LMNTD1: variants seen among roughly 807,000 people sequenced by gnomAD.
The protein encoded by LMNTD1 is lamin tail domain-containing protein 1.
Under a neutral mutation model 50.9 loss-of-function variants are expected in LMNTD1, and 35 were observed. The ratio of observed to expected loss-of-function variants is 0.69; its 90% CI spans 0.53 to 0.91. LMNTD1 has a LOEUF of 0.91. Among genes scored for constraint, LMNTD1 ranks in the 40% least tolerant of loss-of-function variants. The pLI is 0.00. For missense variants in LMNTD1, 470 were observed against 475.5 expected, an observed-to-expected ratio of 0.99 and a Z score of 0.11; for synonymous variants, 153 against 161.9, an observed-to-expected ratio of 0.94 and a Z score of 0.42.
At chr12:25,522,737 A>G (rs1271273861) in intron 6 of LMNTD1, among the ~76,000 whole-genome samples, 1 of 152,202 alleles carries the variant, frequency 6.6e-6, no homozygotes, top group Non-Finnish European at 1.5e-5. Context: ...TGAGACATTT[A>G]TTAATTATTT....
chr12:25,492,503 A>G (rs1276022986), intron 9 of LMNTD1, among the ~76,000 whole-genome samples: 2 of 152,236 alleles, frequency 1.3e-5, no homozygotes, highest in Non-Finnish European at 2.9e-5. Flanking sequence ...TAGATGATAA[A>G]GGAGAGAAGA....
At position 25,566,257 on chromosome 12, in the gene LMNTD1, T is replaced by A. The variant is rs529349286; in HGVS notation, c.59-19703A>T. On this transcript the variant is annotated intron_variant, in intron 1 of 7. Transcript: ENST00000445693. The stretch of plus-strand genomic sequence containing the variant: ...TTGCCCTTTCAAGTCTATTTTCTAG[T>A]TCCTATAAGTGTGCTTCATAGTTTT... Among the ~76,000 whole-genome samples the A allele has an allele frequency of 3.0e-4, 46 of 152,302 alleles. 1 individual carries two copies. The highest frequency in any genetic ancestry group is 9.9e-4 in the African/African-American group (41 of 41,578).
chr12:25,622,468 C>T (rs997718105), intron 1 of LMNTD1, among the ~76,000 whole-genome samples: 2 of 96,010 alleles, frequency 2.1e-5, no homozygotes, highest in Admixed American at 2.0e-4. Context: ...TGTGAGCCCG[C>T]CCCCCCCCGC....
At chr12:25,526,244 T>C in intron 5 of LMNTD1, 26 bp from the exon 6 acceptor site, 1 of 1,602,438 alleles carries the variant, frequency 6.2e-7, no homozygotes, top group South Asian at 1.1e-5. Flanking sequence ...TAATGACAAA[T>C]GCCACTGGAG....
chr12:25,569,660 T>G (rs1010579255), intron 1 of LMNTD1, among the ~76,000 whole-genome samples: 1 of 152,154 alleles, frequency 6.6e-6, no homozygotes, highest in African/African-American at 2.4e-5. Context: ...TAGCACCATC[T>G]CTTTGGTGAT....
intron 1 of LMNTD1, among the ~76,000 whole-genome samples, chr12:25,605,121 T>A (rs908972359): frequency 3.3e-5 from 5 of 152,222 alleles, no homozygotes; most frequent in Non-Finnish European, 7.3e-5. Context: ...TTTTTTCATG[T>A]GTTTTTTGGC....
chr12:25,608,324 C>T (rs953316449), intron 1 of LMNTD1, among the ~76,000 whole-genome samples: 2 of 152,270 alleles, frequency 1.3e-5, no homozygotes, highest in African/African-American at 4.8e-5. Context: ...GGCATTTAGC[C>T]CATTTACATT....
At chr12:25,589,874 G>A (rs1592080185) in intron 1 of LMNTD1, among the ~76,000 whole-genome samples, 1 of 151,986 alleles carries the variant, frequency 6.6e-6, no homozygotes. Context: ...CGCAGAAAAA[G>A]AATTATCCAC....
rs7295537 is a variant in LMNTD1 at position 25,518,868 on chromosome 12, G to A, written c.1116C>T (p.His372=). ...AHPYCPLIEP[H]NTSTAGGRLD... ...ATCTGCCTCCAGCGGTGGATGTATT[G>A]TGTGGTTCAATCAGAGGACAGTAAG... is the stretch of plus-strand genomic sequence containing the variant. Residue 372 remains histidine, a synonymous_variant, in exon 8 of 10, where the codon CAC becomes CAT. Transcript: ENST00000458174. 978 of 1,614,092 alleles carry A rather than the reference G, an allele frequency of 6.1e-4. 8 individuals are homozygous for A. The African/African-American group carries it at 0.011, about 18-fold the overall frequency.
At chr12:25,596,308 A>G (rs1435090300) in intron 1 of LMNTD1, among the ~76,000 whole-genome samples, 1 of 152,110 alleles carries the variant, frequency 6.6e-6, no homozygotes, top group Non-Finnish European at 1.5e-5. Flanking sequence ...TGATGAATAT[A>G]GGTGCTAAAA....
intron 1 of LMNTD1, among the ~76,000 whole-genome samples, chr12:25,639,673 A>G (rs1296380799): frequency 2.6e-5 from 4 of 152,218 alleles, no homozygotes; most frequent in Admixed American, 2.0e-4. Context: ...TAGTATGTGA[A>G]CAAATGGGAA....
At chr12:25,637,976 T>C (rs4963907) in intron 1 of LMNTD1, among the ~76,000 whole-genome samples, 93,386 of 151,816 alleles carry the variant, frequency 0.62, 29,148 homozygotes, top group Non-Finnish European at 0.68. Context: ...AAATTGAGCA[T>C]AGCAACACAT....
At chr12:25,514,680 G>T (rs1031411778) in intron 8 of LMNTD1, among the ~76,000 whole-genome samples, 1 of 152,096 alleles carries the variant, frequency 6.6e-6, no homozygotes, top group African/African-American at 2.4e-5. Context: ...TGGATTGTTT[G>T]TAACTCAGAG....
upstream of LMNTD1, among the ~76,000 whole-genome samples, chr12:25,555,310 T>A (rs538028194): frequency 6.6e-6 from 1 of 152,256 alleles, no homozygotes. Flanking sequence ...TGATACAACT[T>A]ATTGGACAGA....
At chr12:25,511,140 C>T (rs1940258680) in intron 8 of LMNTD1, among the ~76,000 whole-genome samples, 1 of 152,022 alleles carries the variant, frequency 6.6e-6, no homozygotes, top group Admixed American at 6.5e-5. Flanking sequence ...ACTGAAAGAA[C>T]TTCAAGATGA....
chr12:25,618,207 T>A (rs1200851448), intron 1 of LMNTD1, among the ~76,000 whole-genome samples: 1 of 152,214 alleles, frequency 6.6e-6, no homozygotes, highest in Non-Finnish European at 1.5e-5. Flanking sequence ...ACATTTTGAT[T>A]GATCTCAGCC....
At position 25,562,520 on chromosome 12, in the gene LMNTD1, G is replaced by A. The variant is rs149648036; in HGVS notation, c.59-15966C>T. 2.0e-3 allele frequency among the ~76,000 whole-genome samples: 298 copies of A among 152,288 alleles called. 1 individual carries two copies. Among genetic ancestry groups the A allele is most frequent in the African/African-American group, 7.0e-3 (291 of 41,540 alleles). On this transcript the variant is annotated intron_variant, in intron 1 of 7. Coordinates refer to the LMNTD1 transcript ENST00000445693. ...GGGGACATCCGCTGTTAGTCTGATG[G>A]GCTTCCCTTTGTGGGTAACCTGACC...
chr12:25,519,348 T>C lies in LMNTD1; in HGVS notation c.1017-381A>G, dbSNP rs530577899. Among the ~76,000 whole-genome samples, 36 of 130,082 alleles carry C rather than the reference T, an allele frequency of 2.8e-4. 1 individual carries two copies. The highest frequency in any genetic ancestry group is 4.0e-3 in the Middle Eastern group (1 of 252). The allele number at this position is 130,082 out of a possible 152,430, so 85.3% of individuals were successfully genotyped here. On this transcript the variant is annotated intron_variant, in intron 7 of 9. Transcript: ENST00000458174. Reference sequence around the variant, plus strand: ...GGCTCACGCCTGTAATCCCAGCACTTTGGGAGGCCAAGGCGGGCGGATCAC... The same window carrying C: ...GGCTCACGCCTGTAATCCCAGCACTCTGGGAGGCCAAGGCGGGCGGATCAC...
chr12:25,631,752 C>T (rs1036861335), intron 1 of LMNTD1, among the ~76,000 whole-genome samples: 1 of 152,090 alleles, frequency 6.6e-6, no homozygotes, highest in Admixed American at 6.5e-5. Context: ...TTTGACACCC[C>T]CCAAAAATCA....
Sources: gnomAD v4.1 joint callset for allele counts (sites outside exome capture counted in the v4.1 genomes callset) on GRCh38, gnomAD v4.1.1 for gene constraint, MANE v1.5 for transcripts, NCBI Gene and HGNC (gene_info 2026-07-23, HGNC 2026-07-21) for gene names.